LRRFIP1: variants seen among roughly 807,000 people sequenced by gnomAD.
LRRFIP1 encodes the protein leucine-rich repeat flightless-interacting protein 1.
LRRFIP1 carries 62 observed loss-of-function variants against 104.4 expected under a neutral mutation model. The ratio of observed to expected loss-of-function variants is 0.59; its 90% confidence interval spans 0.48 to 0.73. The LOEUF (loss-of-function observed/expected upper bound fraction) is 0.73, where lower values mean the gene tolerates loss of function less well. LRRFIP1 is among the 30% of genes least tolerant of loss of function. The pLI, the probability that LRRFIP1 is intolerant of heterozygous loss-of-function variation, is 0.00. For synonymous variants in LRRFIP1, 300 were observed against 299.0 expected, an observed-to-expected ratio of 1.00 and a Z score of -0.03; for missense variants, 796 against 824.5, an observed-to-expected ratio of 0.97 and a Z score of 0.42.
chr2:237,665,365 G>A (rs1211706591), intron 1 of LRRFIP1, among the ~76,000 whole-genome samples: 2 of 152,182 alleles, frequency 1.3e-5, no homozygotes, highest in Non-Finnish European at 2.9e-5. Flanking sequence ...TATAATTGAA[G>A]TAATCTATAA....
At chr2:237,764,217 T>G in intron 19 of LRRFIP1, 1 of 1,613,084 alleles carries the variant, frequency 6.2e-7, no homozygotes, top group Non-Finnish European at 8.5e-7. Context: ...CCAATGTAAG[T>G]AGAATGTTCT....
rs1169544995 is a variant in LRRFIP1, at chr2:237,766,811, TC to T, written c.1460-3130del. Among the ~76,000 whole-genome samples, 1 of 152,212 alleles carries T rather than the reference TC, an allele frequency of 6.6e-6. No individual in the cohort carries two copies. The highest frequency in any genetic ancestry group is 2.4e-5 in the African/African-American group (1 of 41,452). On this transcript the variant is annotated intron_variant, in intron 19 of 23. Coordinates refer to ENST00000308482, the MANE Select transcript of LRRFIP1 (RefSeq NM_001137550.2). The surrounding 1 kb of genome is among the most constrained non-coding windows in gnomAD (Gnocchi z 4.8). ...CATTCTGAGCATCAGTTATATGCTC[TC>T]CAGTGTAATGACTTTATAGCCAAGC...
intron 11 of LRRFIP1, among the ~76,000 whole-genome samples, chr2:237,742,305 G>A (rs148309836): frequency 4.2e-4 from 64 of 152,232 alleles, no homozygotes; most frequent in African/African-American, 1.4e-3. Context: ...AGTTGATTGC[G>A]GGCTGGTTGG....
chr2:237,755,342 C>A lies in LRRFIP1; in HGVS notation c.1039-753C>A, dbSNP rs566815843. 2.6e-5 allele frequency among the ~76,000 whole-genome samples: 4 copies of A among 152,318 alleles called. No homozygotes were observed. In the South Asian group the frequency reaches 8.3e-4, roughly 32 times the overall value. ...AGCACAGAGCTGGCCACCAGCTGTT[C>A]ATGAGAGATGCTTTAGTAGGCCATG... is the stretch of plus-strand genomic sequence containing the variant. On this transcript the variant is annotated intron_variant, in intron 15 of 23. Coordinates refer to ENST00000308482, the MANE Select transcript of LRRFIP1 (RefSeq NM_001137550.2).
intron 8 of LRRFIP1, among the ~76,000 whole-genome samples, chr2:237,732,602 A>G (rs960418068): frequency 1.3e-5 from 2 of 152,240 alleles, no homozygotes; most frequent in Non-Finnish European, 2.9e-5. Context: ...ACCATGTCAA[A>G]TAAGTTAGAA....
intron 1 of LRRFIP1, among the ~76,000 whole-genome samples, chr2:237,639,728 A>G (rs2083642512): frequency 6.6e-6 from 1 of 152,216 alleles, no homozygotes; most frequent in African/African-American, 2.4e-5. Context: ...TCATTTCAAC[A>G]TCTGAAGTTT....
At chr2:237,696,774 G>A (rs896344686) in intron 1 of LRRFIP1, among the ~76,000 whole-genome samples, 2 of 152,250 alleles carry the variant, frequency 1.3e-5, no homozygotes, top group African/African-American at 2.4e-5. Flanking sequence ...GGTAGTAAAT[G>A]TGCAAGATAT....
At chr2:237,754,299 A>T (rs1167655668) in intron 15 of LRRFIP1, among the ~76,000 whole-genome samples, 2 of 152,204 alleles carry the variant, frequency 1.3e-5, no homozygotes, top group Admixed American at 6.5e-5. Context: ...ATATATCACC[A>T]AGCTCAGAGA....
intron 2 of LRRFIP1, among the ~76,000 whole-genome samples, chr2:237,713,802 T>C (rs1256286825): frequency 6.6e-6 from 1 of 152,266 alleles, no homozygotes; most frequent in East Asian, 1.9e-4. Context: ...GGAATTTTCC[T>C]GTTATTCTGT....
At chr2:237,772,482 A>G (rs1284493696) in intron 21 of LRRFIP1, 1 of 444,062 alleles carries the variant, frequency 2.3e-6, no homozygotes, top group Non-Finnish European at 4.0e-6. Context: ...CAATCTTTCG[A>G]TCTGTTGATT....
At chr2:237,690,588 T>C (rs1043848305) in intron 1 of LRRFIP1, among the ~76,000 whole-genome samples, 25 of 151,546 alleles carry the variant, frequency 1.6e-4, no homozygotes, top group African/African-American at 5.6e-4. Flanking sequence ...AATACAAAAA[T>C]GAGCCGGGCA....
At position 237,735,181 on chromosome 2, in the gene LRRFIP1, G is replaced by A. The variant is rs1445024246; in HGVS notation, c.490-87G>A. ...CAGGTCATGCTCCTGGCACGTGTCA[G>A]TTTTTCACAGCTCACGTTTTCAGCA... On this transcript the variant is annotated intron_variant, in intron 9 of 23. Transcript: ENST00000308482. The surrounding 1 kb of genome is among the most constrained non-coding windows in gnomAD (Gnocchi z 4.6). 4 of 1,143,300 alleles carry A rather than the reference G, an allele frequency of 3.5e-6. No individual in the cohort carries two copies. The highest frequency in any genetic ancestry group is 5.1e-6 in the Non-Finnish European group (4 of 787,764). The allele number at this position is 1,143,300 out of a possible 1,614,324, so 70.8% of individuals were successfully genotyped here. A position where few individuals can be genotyped will look rare whatever the true frequency, so the allele number is the denominator to read the frequency against.
chr2:237,779,674 C>T lies in LRRFIP1; in HGVS notation c.*142C>T, dbSNP rs142787144. On this transcript the variant is annotated 3_prime_UTR_variant, in exon 24 of 24. Transcript: ENST00000308482. The stretch of plus-strand genomic sequence containing the variant: ...GGCGAGCTTGGCGCTTAGGGGCTCC[C>T]GTGCCATGGCTCACCCCAGGGAGCC... The T allele has an allele frequency of 2.1e-3, 1,382 of 655,242 alleles. 15 individuals are homozygous for T. Among genetic ancestry groups the T allele is most frequent in the African/African-American group, 0.019 (1,018 of 54,268 alleles). The allele number at this position is 655,242 out of a possible 1,614,324, so 40.6% of individuals were successfully genotyped here.
chr2:237,778,963 C>G (rs745435600), intron 23 of LRRFIP1, among the ~76,000 whole-genome samples: 33 of 151,580 alleles, frequency 2.2e-4, no homozygotes, highest in Non-Finnish European at 4.4e-5. Context: ...GTGGCTCATG[C>G]CTGTAATCCC....
intron 19 of LRRFIP1, among the ~76,000 whole-genome samples, chr2:237,767,196 AAAAG>A (rs745817347): frequency 2.6e-5 from 4 of 152,190 alleles, no homozygotes; most frequent in Admixed American, 6.5e-5. Flanking sequence ...AAAGAAAAGA[AAAAG>A]AAAGTTGACT....
intron 19 of LRRFIP1, among the ~76,000 whole-genome samples, chr2:237,767,545 A>G (rs1270791420): frequency 1.3e-5 from 2 of 152,232 alleles, no homozygotes; most frequent in Non-Finnish European, 2.9e-5. Context: ...ATAGGTTGTT[A>G]TACAAAGTTG....
At chr2:237,705,158 G>A (rs940945639) in intron 1 of LRRFIP1, among the ~76,000 whole-genome samples, 1 of 152,212 alleles carries the variant, frequency 6.6e-6, no homozygotes, top group Non-Finnish European at 1.5e-5. Flanking sequence ...AGCTGGAATA[G>A]GGTGGGGTAC....
At chr2:237,699,808 A>G (rs2093413798) in intron 1 of LRRFIP1, among the ~76,000 whole-genome samples, 1 of 150,352 alleles carries the variant, frequency 6.7e-6, no homozygotes, top group Non-Finnish European at 1.5e-5. Flanking sequence ...AGTCCCCCCA[A>G]CATTTCCAAA....
intron 10 of LRRFIP1, among the ~76,000 whole-genome samples, chr2:237,737,727 A>G (rs77056708): frequency 6.6e-6 from 1 of 152,328 alleles, no homozygotes; most frequent in African/African-American, 2.4e-5. Flanking sequence ...CTTATTTTCA[A>G]CAAGAATGCC....
Sources: gnomAD v4.1 joint callset for allele counts (sites outside exome capture counted in the v4.1 genomes callset) on GRCh38, gnomAD v4.1.1 for gene constraint, Gnocchi (gnomAD v3.1) non-coding constraint, MANE v1.5 for transcripts, NCBI Gene and HGNC (gene_info 2026-07-23, HGNC 2026-07-21) for gene names.